The following ADAMTSL1 variants were observed in gnomAD, a reference collection of about 807,000 sequenced individuals.
The protein encoded by ADAMTSL1 is ADAMTS-like protein 1.
In ADAMTSL1, 126 loss-of-function variants were observed where a neutral mutation model predicts 201.8. That is an observed-to-expected ratio of 0.62 (90% CI 0.54 to 0.72). The LOEUF is 0.72. ADAMTSL1 is among the 30% of genes least tolerant of loss of function. The probability of loss-of-function intolerance (pLI) is 0.00; values close to 1 mark genes in which losing one functional copy is unlikely to be tolerated. For missense variants in ADAMTSL1, 2,679 were observed against 2,277.8 expected (o/e 1.18, Z -3.59); for synonymous variants, 1,121 against 903.4 (o/e 1.24, Z -4.32).
chr9:18,494,104 C>A (rs1822401526), intron 1 of ADAMTSL1, among the ~76,000 whole-genome samples: 1 of 152,134 alleles, frequency 6.6e-6, no homozygotes, highest in Admixed American at 6.5e-5. Context: ...CGCCTGTAAT[C>A]CCAGCACTTT....
intron 1 of ADAMTSL1, among the ~76,000 whole-genome samples, chr9:18,140,299 A>G (rs1826342688): frequency 6.6e-6 from 1 of 152,092 alleles, no homozygotes; most frequent in South Asian, 2.1e-4. Flanking sequence ...CCTCAGTTTC[A>G]GTGATTTGCC....
chr9:18,342,071 C>G (rs1835486821), intron 2 of ADAMTSL1, among the ~76,000 whole-genome samples: 1 of 152,058 alleles, frequency 6.6e-6, no homozygotes, highest in African/African-American at 2.4e-5. Context: ...GGTAAAATAT[C>G]ATGCTGCCAT....
intron 1 of ADAMTSL1, among the ~76,000 whole-genome samples, chr9:17,958,889 C>T (rs1236810062): frequency 2.0e-5 from 3 of 152,032 alleles, no homozygotes; most frequent in Admixed American, 2.0e-4. Context: ...AGAGAAAATC[C>T]ATGTCATTTG....
chr9:18,265,325 A>G (rs1242319928), intron 2 of ADAMTSL1, among the ~76,000 whole-genome samples: 1 of 151,990 alleles, frequency 6.6e-6, no homozygotes, highest in South Asian at 2.1e-4. Context: ...TTTCAGACTC[A>G]TCTTCTTGGT....
chr9:17,988,915 T>A (rs1476758902), intron 1 of ADAMTSL1, among the ~76,000 whole-genome samples: 1 of 151,850 alleles, frequency 6.6e-6, no homozygotes, highest in Non-Finnish European at 1.5e-5. Flanking sequence ...TTTTTAGGCA[T>A]TTTTTCCCCC....
intron 1 of ADAMTSL1, among the ~76,000 whole-genome samples, chr9:17,907,098 G>GGGGTCGATC (rs1281070009): frequency 1.3e-5 from 2 of 152,200 alleles, no homozygotes; most frequent in African/African-American, 2.4e-5. Flanking sequence ...GGCGTACCCT[G>GGGGTCGATC]GGGTCGATCG....
intron 2 of ADAMTSL1, among the ~76,000 whole-genome samples, chr9:18,447,886 G>A (rs1209642610): frequency 6.6e-6 from 1 of 152,232 alleles, no homozygotes; most frequent in African/African-American, 2.4e-5. Context: ...TGCAGGTGTC[G>A]AGCACACATG....
chr9:18,359,303 C>G (rs1836395811), intron 2 of ADAMTSL1, among the ~76,000 whole-genome samples: 2 of 152,108 alleles, frequency 1.3e-5, no homozygotes, highest in Admixed American at 1.3e-4. Context: ...CTGCCCCCAT[C>G]TTTTCCATTC....
chr9:18,552,954 G>A (rs1340983224), intron 3 of ADAMTSL1, among the ~76,000 whole-genome samples: 1 of 150,320 alleles, frequency 6.7e-6, no homozygotes, highest in Admixed American at 6.6e-5. Flanking sequence ...TATAATCTTT[G>A]CTTTCTTCCA....
intron 1 of ADAMTSL1, among the ~76,000 whole-genome samples, chr9:18,032,688 G>A (rs1160694632): frequency 2.0e-5 from 3 of 152,146 alleles, no homozygotes; most frequent in Non-Finnish European, 4.4e-5. Flanking sequence ...TCTGGGCTCC[G>A]CACAAGACCA....
At chr9:18,079,167 C>G (rs1823364770) in intron 1 of ADAMTSL1, among the ~76,000 whole-genome samples, 1 of 152,098 alleles carries the variant, frequency 6.6e-6, no homozygotes, top group African/African-American at 2.4e-5. Context: ...TCTAGCAGTT[C>G]TCACCCCAAA....
chr9:18,046,065 GT>G (rs1469962074), intron 1 of ADAMTSL1, among the ~76,000 whole-genome samples: 1 of 152,116 alleles, frequency 6.6e-6, no homozygotes, highest in Non-Finnish European at 1.5e-5. Flanking sequence ...GATATATTTT[GT>G]TCTTTTTTAG....
intron 2 of ADAMTSL1, among the ~76,000 whole-genome samples, chr9:18,235,800 A>G (rs1161599202): frequency 6.6e-6 from 1 of 152,154 alleles, no homozygotes; most frequent in African/African-American, 2.4e-5. Context: ...ATACAGTAGA[A>G]AGGCCAAGCT....
intron 2 of ADAMTSL1, among the ~76,000 whole-genome samples, chr9:18,343,467 T>C (rs559405768): frequency 7.6e-4 from 116 of 152,276 alleles, no homozygotes; most frequent in African/African-American, 2.7e-3. Context: ...AGGAGCCAGT[T>C]TGGCTTAAAA....
intron 1 of ADAMTSL1, among the ~76,000 whole-genome samples, chr9:17,949,246 C>T (rs1394401201): frequency 6.6e-6 from 1 of 152,114 alleles, no homozygotes; most frequent in Non-Finnish European, 1.5e-5. Context: ...AGCCCAGAGG[C>T]TCAGTGGTAG....
chr9:17,972,945 G>T (rs1035409305), intron 1 of ADAMTSL1, among the ~76,000 whole-genome samples: 24 of 149,538 alleles, frequency 1.6e-4, no homozygotes, highest in African/African-American at 5.9e-4. Context: ...TGTGTTTTTT[G>T]GCTGCATAAA....
At chr9:18,014,064 A>C (rs1170715575) in intron 1 of ADAMTSL1, among the ~76,000 whole-genome samples, 1 of 151,988 alleles carries the variant, frequency 6.6e-6, no homozygotes. Flanking sequence ...ATTTGGCAAT[A>C]CTGCATAGCA....
intron 19 of ADAMTSL1, among the ~76,000 whole-genome samples, chr9:18,790,730 C>G (rs1031403628): frequency 6.6e-6 from 1 of 152,020 alleles, no homozygotes; most frequent in African/African-American, 2.4e-5. Context: ...TAGAAGCTTA[C>G]AAATAAAGGC....
chr9:18,724,909 C>CA (rs1817774734), intron 15 of ADAMTSL1, among the ~76,000 whole-genome samples: 1 of 148,444 alleles, frequency 6.7e-6, no homozygotes, highest in Non-Finnish European at 1.5e-5. Context: ...AGGATTGAAC[C>CA]TTTTTTTTTT....
Sources: allele counts gnomAD v4.1 joint callset (sites outside exome capture counted in the v4.1 genomes callset), GRCh38; gene constraint gnomAD v4.1.1; transcripts MANE v1.5; gene names NCBI Gene and HGNC (gene_info 2026-07-23, HGNC 2026-07-21).